Variants in MAP2 observed in about 807,000 individuals in gnomAD.
MAP2 encodes microtubule-associated protein 2.
Under a neutral mutation model 137.6 loss-of-function variants are expected in MAP2, and 14 were observed. The observed-to-expected ratio is 0.10, with a 90% CI of 0.07 to 0.16. The LOEUF (loss-of-function observed/expected upper bound fraction) is 0.16, where lower values mean the gene tolerates loss of function less well. Among genes scored for constraint, MAP2 ranks in the 10% least tolerant of loss-of-function variants. The pLI, the probability that MAP2 is intolerant of heterozygous loss-of-function variation, is 1.00. For synonymous variants in MAP2, 786 were observed against 782.3 expected (o/e 1.00, Z -0.08); for missense variants, 2,088 against 2,191.5 (o/e 0.95, Z 0.94).
chr2:209,726,931 GT>G (rs1265208548), intron 14 of MAP2, among the ~76,000 whole-genome samples: 2 of 152,074 alleles, frequency 1.3e-5, no homozygotes, highest in African/African-American at 2.4e-5. Flanking sequence ...AAAGTAATAG[GT>G]TTTTTTCCAT....
chr2:209,580,549 A>G (rs1012298126), intron 3 of MAP2, among the ~76,000 whole-genome samples: 1 of 152,208 alleles, frequency 6.6e-6, no homozygotes, highest in East Asian at 1.9e-4. Context: ...ACGAAAGCCC[A>G]GGAATGACTC....
chr2:209,606,038 A>T (rs2084603086), intron 3 of MAP2, among the ~76,000 whole-genome samples: 1 of 152,120 alleles, frequency 6.6e-6, no homozygotes. Flanking sequence ...TATTTTATAA[A>T]TGATCAGTTT....
At chr2:209,613,246 T>G (rs1276046737) in intron 3 of MAP2, among the ~76,000 whole-genome samples, 1 of 134,046 alleles carries the variant, frequency 7.5e-6, no homozygotes, top group Non-Finnish European at 1.5e-5. Flanking sequence ...GTTTTTTATT[T>G]CTATTTTTAT....
chr2:209,722,600 C>G (rs2071654409), intron 13 of MAP2, among the ~76,000 whole-genome samples: 1 of 151,902 alleles, frequency 6.6e-6, no homozygotes, highest in South Asian at 2.1e-4. Flanking sequence ...CAAATAACGA[C>G]AATAACACAA....
Position 209,620,834 on chromosome 2 carries a change from G to T in MAP2, c.-106-4219G>T, listed in dbSNP as rs75439139. Among the ~76,000 whole-genome samples, 653 of 152,258 alleles carry T rather than the reference G, an allele frequency of 4.3e-3. 3 individuals are homozygous for T. The highest frequency in any genetic ancestry group is 0.015 in the African/African-American group (604 of 41,550). ...AGTGGAGGTGGAGTACAATGTTATT[G>T]TTGTTTATTTGAGAATTGACTGAAT... On this transcript the variant is annotated intron_variant, in intron 3 of 15. Coordinates refer to ENST00000682079, the MANE Select transcript of MAP2 (RefSeq NM_001375505.1).
intron 2 of MAP2, among the ~76,000 whole-genome samples, chr2:209,529,265 G>A (rs1305371195): frequency 6.6e-6 from 1 of 152,064 alleles, no homozygotes; most frequent in Non-Finnish European, 1.5e-5. Context: ...AAGTAAGCAA[G>A]TTTAGGAAGA....
intron 7 of MAP2, among the ~76,000 whole-genome samples, chr2:209,691,727 C>A (rs775661291): frequency 2.0e-5 from 3 of 152,092 alleles, no homozygotes; most frequent in Non-Finnish European, 2.9e-5. Flanking sequence ...CAATACTGGC[C>A]AATGCTTCAC....
intron 1 of MAP2, among the ~76,000 whole-genome samples, chr2:209,494,365 G>C (rs2059488151): frequency 1.3e-5 from 2 of 151,562 alleles, no homozygotes; most frequent in African/African-American, 4.9e-5. Context: ...AAACCACCGT[G>C]GCCCATATAT....
At position 209,425,446 on chromosome 2, in the gene MAP2, T is replaced by A. The variant is rs118092217; in HGVS notation, c.-222+1170T>A. 1.1e-3 allele frequency among the ~76,000 whole-genome samples: 161 copies of A among 152,280 alleles called. 1 individual carries two copies. Among genetic ancestry groups the A allele is most frequent in the East Asian group, 2.5e-3 (13 of 5,186 alleles). ...ATTTTTTAAAATTGTATTTGAGGGTTTGGAAATTATGTTGTGAATAAAATC... is the reference window on the plus strand; with the variant it reads ...ATTTTTTAAAATTGTATTTGAGGGTATGGAAATTATGTTGTGAATAAAATC... On this transcript the variant is annotated intron_variant, in intron 1 of 15. Coordinates refer to ENST00000682079, the MANE Select transcript of MAP2 (RefSeq NM_001375505.1).
chr2:209,446,288 G>A (rs1187411605), intron 1 of MAP2, among the ~76,000 whole-genome samples: 1 of 151,724 alleles, frequency 6.6e-6, no homozygotes, highest in African/African-American at 2.4e-5. Flanking sequence ...CAATTTGACT[G>A]TAGTTATGTC....
At chr2:209,495,436 C>A (rs955581195) in intron 1 of MAP2, among the ~76,000 whole-genome samples, 2 of 152,234 alleles carry the variant, frequency 1.3e-5, no homozygotes, top group African/African-American at 2.4e-5. Flanking sequence ...TACGGGAGAG[C>A]TCCGGCTGGC....
At chr2:209,642,975 T>C (rs962475) in intron 4 of MAP2, among the ~76,000 whole-genome samples, 31,603 of 152,068 alleles carry the variant, frequency 0.21, 5,071 homozygotes, top group African/African-American at 0.43. Context: ...TGAGCCTACA[T>C]GGAAAAGAGA....
intron 2 of MAP2, among the ~76,000 whole-genome samples, chr2:209,531,622 G>T (rs2065123764): frequency 6.6e-6 from 1 of 152,124 alleles, no homozygotes; most frequent in Admixed American, 6.6e-5. Flanking sequence ...TGACTTATTT[G>T]TCTGTGTACT....
rs115965067 is a variant in MAP2 at position 209,649,485 on chromosome 2, A to G, written c.-29-3657A>G. On this transcript the variant is annotated intron_variant, in intron 4 of 15. Transcript: ENST00000682079. Reference sequence around the variant, plus strand: ...TGACCCCAAAATTTTGATTAGAAGTATAAGTGAAATTTATCATTTATGGGT... The same window carrying G: ...TGACCCCAAAATTTTGATTAGAAGTGTAAGTGAAATTTATCATTTATGGGT... Among the ~76,000 whole-genome samples the G allele has an allele frequency of 5.3e-3, 802 of 152,326 alleles. 14 individuals are homozygous for G. Among genetic ancestry groups the G allele is most frequent in the African/African-American group, 0.018 (750 of 41,586 alleles).
At chr2:209,580,611 A>G (rs754976585) in intron 3 of MAP2, among the ~76,000 whole-genome samples, 14 of 152,202 alleles carry the variant, frequency 9.2e-5, no homozygotes, top group South Asian at 2.1e-4. Context: ...TTGACATTTC[A>G]GTCTTTAAAA....
chr2:209,564,199 A>C (rs1347214594), intron 2 of MAP2, among the ~76,000 whole-genome samples: 1 of 152,196 alleles, frequency 6.6e-6, no homozygotes, highest in African/African-American at 2.4e-5. Flanking sequence ...AATACATTTT[A>C]ATTTGTAATA....
intron 2 of MAP2, among the ~76,000 whole-genome samples, chr2:209,528,907 CAT>C (rs1235982247): frequency 1.4e-5 from 2 of 144,368 alleles, no homozygotes; most frequent in African/African-American, 5.2e-5. Context: ...TATATACACA[CAT>C]ATATACACAC....
At chr2:209,648,900 A>G (rs1249791461) in intron 4 of MAP2, among the ~76,000 whole-genome samples, 4 of 152,122 alleles carry the variant, frequency 2.6e-5, no homozygotes, top group African/African-American at 9.7e-5. Flanking sequence ...AGGAGCAGTT[A>G]AGATCTGTGA....
chr2:209,589,802 G>A (rs973320695), intron 3 of MAP2, among the ~76,000 whole-genome samples: 2 of 152,136 alleles, frequency 1.3e-5, no homozygotes, highest in African/African-American at 2.4e-5. Flanking sequence ...AAGAATTCAG[G>A]ATAGCAAAGA....
Sources: allele counts gnomAD v4.1 joint callset (sites outside exome capture counted in the v4.1 genomes callset), GRCh38; gene constraint gnomAD v4.1.1; transcripts MANE v1.5; gene names NCBI Gene and HGNC (gene_info 2026-07-23, HGNC 2026-07-21).